The following MAP2K4 variants were observed in gnomAD, a reference collection of about 807,000 sequenced individuals.
The protein encoded by MAP2K4 is mitogen-activated protein kinase kinase 4.
Under a neutral mutation model 48.5 loss-of-function variants are expected in MAP2K4, and 4 were observed. The ratio of observed to expected loss-of-function variants is 0.08; its 90% CI spans 0.04 to 0.19. The LOEUF (loss-of-function observed/expected upper bound fraction) is 0.19. Among genes scored for constraint, MAP2K4 ranks in the 10% least tolerant of loss-of-function variants. The pLI, the probability that MAP2K4 is intolerant of heterozygous loss-of-function variation, is 1.00. For missense variants in MAP2K4, 258 were observed against 493.3 expected, an observed-to-expected ratio of 0.52 and a Z score of 4.52; for synonymous variants, 166 against 173.1, an observed-to-expected ratio of 0.96 and a Z score of 0.32.
At chr17:12,034,166 G>C (rs1371499947) in intron 1 of MAP2K4, among the ~76,000 whole-genome samples, 1 of 152,162 alleles carries the variant, frequency 6.6e-6, no homozygotes, top group Non-Finnish European at 1.5e-5. Flanking sequence ...TATAAAACAA[G>C]AGAAACATTG....
At chr17:12,051,599 T>G (rs994178340) in intron 1 of MAP2K4, among the ~76,000 whole-genome samples, 1 of 152,226 alleles carries the variant, frequency 6.6e-6, no homozygotes, top group African/African-American at 2.4e-5. Context: ...TCATAATGTT[T>G]TTGATCAGTT....
At chr17:12,115,861 C>T (rs1046232136) in intron 7 of MAP2K4, 31 of 676,574 alleles carry the variant, frequency 4.6e-5, no homozygotes, top group Middle Eastern at 4.3e-4. Context: ...TGTACTGCAT[C>T]GTCGGCACCT....
chr17:12,043,925 G>A (rs948823112), intron 1 of MAP2K4, among the ~76,000 whole-genome samples: 12 of 152,052 alleles, frequency 7.9e-5, no homozygotes, highest in Admixed American at 4.6e-4. Context: ...GTATGGGGGC[G>A]TGGCAGCTGA....
chr17:12,082,472 A>G (rs1217844107), intron 3 of MAP2K4, among the ~76,000 whole-genome samples: 1 of 152,234 alleles, frequency 6.6e-6, no homozygotes, highest in African/African-American at 2.4e-5. Context: ...CAAGCTAATC[A>G]TCTTCCTATT....
At chr17:12,090,508 G>C (rs576815373) in intron 3 of MAP2K4, among the ~76,000 whole-genome samples, 1 of 152,128 alleles carries the variant, frequency 6.6e-6, no homozygotes, top group Non-Finnish European at 1.5e-5. Context: ...GAACTACAAC[G>C]TGAGCCTTTA....
At chr17:12,108,490 T>C (rs1033112721) in intron 5 of MAP2K4, among the ~76,000 whole-genome samples, 5 of 152,168 alleles carry the variant, frequency 3.3e-5, no homozygotes, top group African/African-American at 1.2e-4. Flanking sequence ...AGAAAATAGC[T>C]ACTTTTTTAC....
At chr17:12,066,929 G>A (rs1161857417) in intron 2 of MAP2K4, among the ~76,000 whole-genome samples, 3 of 152,042 alleles carry the variant, frequency 2.0e-5, no homozygotes, top group African/African-American at 7.2e-5. Context: ...CGCCCGCCTC[G>A]GCCTCCCAAA....
chr17:12,131,258 T>G (rs1488055610), intron 9 of MAP2K4, among the ~76,000 whole-genome samples: 1 of 150,356 alleles, frequency 6.7e-6, no homozygotes, highest in Non-Finnish European at 1.5e-5. Flanking sequence ...TTTTCTTTCT[T>G]GTTTTTTTGG....
chr17:12,040,098 A>G (rs1028124804), intron 1 of MAP2K4, among the ~76,000 whole-genome samples: 1 of 152,180 alleles, frequency 6.6e-6, no homozygotes, highest in African/African-American at 2.4e-5. Context: ...AGATAAACCA[A>G]TGGGCTTAGG....
At chr17:12,083,621 A>G (rs747775564) in intron 3 of MAP2K4, among the ~76,000 whole-genome samples, 4 of 152,252 alleles carry the variant, frequency 2.6e-5, no homozygotes, top group Non-Finnish European at 5.9e-5. Context: ...GACTTCATTA[A>G]TACTGGAAGA....
At chr17:12,115,171 T>C (rs574571175) in intron 7 of MAP2K4, among the ~76,000 whole-genome samples, 1 of 152,304 alleles carries the variant, frequency 6.6e-6, no homozygotes, top group East Asian at 1.9e-4. Context: ...AAAAAGTAAA[T>C]AAAATGTAGA....
At chr17:12,078,962 T>G (rs1348903538) in intron 2 of MAP2K4, among the ~76,000 whole-genome samples, 1 of 152,248 alleles carries the variant, frequency 6.6e-6, no homozygotes, top group African/African-American at 2.4e-5. Context: ...GAACATGCCT[T>G]GGTGATGTCA....
At chr17:12,119,798 A>G (rs1972623442) in intron 7 of MAP2K4, among the ~76,000 whole-genome samples, 1 of 152,244 alleles carries the variant, frequency 6.6e-6, no homozygotes, top group Non-Finnish European at 1.5e-5. Flanking sequence ...TACACTGTGG[A>G]ATACTCTACA....
intron 6 of MAP2K4, 31 bp downstream of exon 6, chr17:12,110,457 A>G: frequency 2.7e-6 from 4 of 1,505,936 alleles, no homozygotes; most frequent in South Asian, 1.2e-5. Flanking sequence ...TTTGTAATAG[A>G]AATTAACTTT....
chr17:12,094,786 T>C (rs1971678527), intron 3 of MAP2K4, among the ~76,000 whole-genome samples: 1 of 152,142 alleles, frequency 6.6e-6, no homozygotes, highest in South Asian at 2.1e-4. Flanking sequence ...AAGAAATTGT[T>C]GTACAGCTTG....
intron 7 of MAP2K4, among the ~76,000 whole-genome samples, chr17:12,123,296 G>A (rs1042489215): frequency 6.6e-6 from 1 of 152,106 alleles, no homozygotes; most frequent in African/African-American, 2.4e-5. Flanking sequence ...ATAGTTTAAA[G>A]GTTATTCACA....
chr17:12,050,059 G>C (rs184088189), intron 1 of MAP2K4, among the ~76,000 whole-genome samples: 2 of 152,296 alleles, frequency 1.3e-5, no homozygotes, highest in East Asian at 3.9e-4. Context: ...TTGAAGATAT[G>C]CAGATTGGCT....
At chr17:12,111,039 C>T (rs1972287441) in intron 6 of MAP2K4, among the ~76,000 whole-genome samples, 1 of 152,166 alleles carries the variant, frequency 6.6e-6, no homozygotes, top group African/African-American at 2.4e-5. Flanking sequence ...AGATGAAGTG[C>T]TTGCTTTACT....
At chr17:12,106,468 A>G (rs897362145) in intron 4 of MAP2K4, among the ~76,000 whole-genome samples, 1 of 152,324 alleles carries the variant, frequency 6.6e-6, no homozygotes, top group East Asian at 1.9e-4. Flanking sequence ...GTGCATGGCA[A>G]ACGTTGATAG....
Sources: gnomAD v4.1 joint callset for allele counts (sites outside exome capture counted in the v4.1 genomes callset) on GRCh38, gnomAD v4.1.1 for gene constraint, MANE v1.5 for transcripts, NCBI Gene and HGNC (gene_info 2026-07-23, HGNC 2026-07-21) for gene names.